The following USP34 variants were observed in gnomAD, a reference collection of about 807,000 sequenced individuals.
USP34 encodes the protein ubiquitin carboxyl-terminal hydrolase 34.
USP34 carries 70 observed loss-of-function variants against 460.3 expected under a neutral mutation model. That is an observed-to-expected ratio of 0.15 (90% CI 0.13 to 0.19). The LOEUF (loss-of-function observed/expected upper bound fraction) is 0.19, where lower values mean the gene tolerates loss of function less well. Among genes scored for constraint, USP34 ranks in the 10% least tolerant of loss-of-function variants. The pLI, the probability that USP34 is intolerant of heterozygous loss-of-function variation, is 1.00. For synonymous variants in USP34, 1,647 were observed against 1,405.3 expected (o/e 1.17, Z -3.85); for missense variants, 3,985 against 4,236.2 (o/e 0.94, Z 1.65).
intron 10 of USP34, among the ~76,000 whole-genome samples, chr2:61,352,132 A>C (rs192674001): frequency 5.6e-4 from 85 of 152,240 alleles, no homozygotes; most frequent in African/African-American, 2.0e-3. Context: ...TGTTCCAATG[A>C]GTACTTCTTT....
intron 1 of USP34, among the ~76,000 whole-genome samples, chr2:61,441,878 T>C (rs1694976581): frequency 2.9e-5 from 4 of 136,566 alleles, no homozygotes; most frequent in Admixed American, 7.1e-5. Context: ...AAAATATATA[T>C]TGAAAGCTGT....
chr2:61,377,782 G>A lies in USP34; in HGVS notation c.1076+581C>T, dbSNP rs141650394. 3.3e-3 allele frequency among the ~76,000 whole-genome samples: 505 copies of A among 152,260 alleles called. 2 individuals carry two copies. Among genetic ancestry groups the A allele is most frequent in the African/African-American group, 0.01 (435 of 41,548 alleles). On this transcript the variant is annotated intron_variant, in intron 8 of 79. Transcript: ENST00000398571. ...CCTGGACTAAGACAGTGTACTTTCT[G>A]AAAACTATCAGTACCATATTTTTCA...
At chr2:61,418,356 A>G (rs1435769939) in intron 2 of USP34, among the ~76,000 whole-genome samples, 12 of 152,212 alleles carry the variant, frequency 7.9e-5, no homozygotes, top group Non-Finnish European at 1.5e-5. Context: ...CTGGGATTAC[A>G]TGCATGAGCA....
intron 75 of USP34, among the ~76,000 whole-genome samples, chr2:61,197,293 G>A (rs1686837747): frequency 6.6e-6 from 1 of 151,920 alleles, no homozygotes; most frequent in Admixed American, 6.6e-5. Context: ...ATTAAAGAAG[G>A]AAATGAACAT....
chr2:61,196,645 C>T (rs923901878), intron 75 of USP34, among the ~76,000 whole-genome samples: 1 of 152,060 alleles, frequency 6.6e-6, no homozygotes, highest in Non-Finnish European at 1.5e-5. Flanking sequence ...GATTCTCCCA[C>T]CTCAGCCTCT....
intron 41 of USP34, among the ~76,000 whole-genome samples, chr2:61,275,892 A>G (rs953092285): frequency 8.5e-5 from 13 of 152,324 alleles, no homozygotes; most frequent in Admixed American, 6.5e-4. Context: ...GACAACTTGT[A>G]TAAATCAATA....
chr2:61,369,034 A>G (rs562657945), intron 10 of USP34, among the ~76,000 whole-genome samples: 2 of 152,338 alleles, frequency 1.3e-5, no homozygotes, highest in Admixed American at 1.3e-4. Flanking sequence ...CAATTCCAGA[A>G]AAAGCAACAA....
At chr2:61,256,323 C>G in intron 48 of USP34, 61 bp downstream of exon 48, 1 of 1,424,300 alleles carries the variant, frequency 7.0e-7, no homozygotes, top group Non-Finnish European at 9.8e-7. Flanking sequence ...CTTAGTTTAC[C>G]CTTAGTTTGT....
At chr2:61,446,080 C>CTCCA (rs1374540659) in intron 1 of USP34, among the ~76,000 whole-genome samples, 1 of 141,216 alleles carries the variant, frequency 7.1e-6, no homozygotes, top group African/African-American at 2.7e-5. Flanking sequence ...CACCACTGCA[C>CTCCA]TCCAGTCTGG....
intron 6 of USP34, among the ~76,000 whole-genome samples, chr2:61,383,032 A>G (rs1274013012): frequency 1.1e-4 from 17 of 152,166 alleles, no homozygotes; most frequent in East Asian, 1.9e-4. Context: ...ACCATTATTA[A>G]TCTCTTTAAT....
At chr2:61,242,705 C>T (rs576351058) in intron 51 of USP34, among the ~76,000 whole-genome samples, 20 of 151,810 alleles carry the variant, frequency 1.3e-4, no homozygotes, top group South Asian at 6.2e-4. Context: ...AGTAAGGAGA[C>T]GAGGATTCTA....
intron 53 of USP34, among the ~76,000 whole-genome samples, chr2:61,238,006 T>C (rs1038992845): frequency 1.3e-5 from 2 of 151,754 alleles, no homozygotes; most frequent in African/African-American, 4.8e-5. Context: ...AGCGATTCTC[T>C]TGCCTCAGCC....
intron 16 of USP34, among the ~76,000 whole-genome samples, chr2:61,340,375 G>T (rs562725664): frequency 1.3e-5 from 2 of 152,268 alleles, no homozygotes; most frequent in South Asian, 4.1e-4. Flanking sequence ...AAACATCTGT[G>T]TAACAAGTTT....
chr2:61,247,908 C>G (rs1295708454), intron 49 of USP34, among the ~76,000 whole-genome samples: 2 of 152,054 alleles, frequency 1.3e-5, no homozygotes, highest in Admixed American at 1.3e-4. Flanking sequence ...AGCAAGAGGC[C>G]GGGCACAGTG....
intron 43 of USP34, among the ~76,000 whole-genome samples, chr2:61,263,933 G>C (rs570520462): frequency 6.6e-6 from 1 of 152,128 alleles, no homozygotes; most frequent in South Asian, 2.1e-4. Context: ...CAGCACATCT[G>C]AGTGTTCCTT....
intron 1 of USP34, among the ~76,000 whole-genome samples, chr2:61,440,962 C>CA (rs1198406571): frequency 1.3e-5 from 2 of 151,494 alleles, no homozygotes; most frequent in Non-Finnish European, 2.9e-5. Context: ...CCCGTCTCTA[C>CA]TAAAAATACA....
chr2:61,394,969 C>G lies in USP34; in HGVS notation c.637G>C (p.Val213Leu). 1 of 1,602,668 alleles carries G rather than the reference C, an allele frequency of 6.2e-7. No homozygotes were observed. Among genetic ancestry groups the G allele is most frequent in the Non-Finnish European group, 8.5e-7 (1 of 1,176,604 alleles). Residue 213 changes from valine to leucine, a missense_variant, in exon 5 of 80, where the codon GTA becomes CTA. Around this residue, in one of 14 missense-constraint regions of USP34, gnomAD observed 331 missense variants for 293.7 expected, o/e 1.13. Transcript: ENST00000398571. The stretch of plus-strand genomic sequence containing the variant: ...CCATTTTTCCCACAAAACAAACATA[C>G]ATAACGAAGCAAATGCAATGGTACT... ...VEVPLHLLRY[V>L]CLFCGKNGLS...
chr2:61,271,604 G>T (rs1461421775), intron 41 of USP34, among the ~76,000 whole-genome samples: 2 of 152,112 alleles, frequency 1.3e-5, no homozygotes, highest in South Asian at 4.2e-4. Context: ...AGGAAAAAAG[G>T]AAGAAAAAGG....
rs1192506127 is a variant in USP34 at position 61,206,893 on chromosome 2, A to G, written c.8920-7T>C. 1 of 1,605,728 alleles carries G rather than the reference A, an allele frequency of 6.2e-7. No individual in the cohort carries two copies. Among genetic ancestry groups the G allele is most frequent in the Non-Finnish European group, 8.5e-7 (1 of 1,177,478 alleles). On this transcript the variant is annotated splice_region_variant and splice_polypyrimidine_tract_variant and intron_variant, in intron 70 of 79. Coordinates refer to ENST00000398571, the MANE Select transcript of USP34 (RefSeq NM_014709.4). ...TGTGCAAAGTGTTGAAAGACTACAA[A>G]TGATTTGAAAAAATTGAAAACTTAA...
Sources: allele counts gnomAD v4.1 joint callset (sites outside exome capture counted in the v4.1 genomes callset), GRCh38; gene constraint gnomAD v4.1.1; regional missense constraint gnomAD v4.1.1; transcripts MANE v1.5; gene names NCBI Gene and HGNC (gene_info 2026-07-23, HGNC 2026-07-21).